RSPO4: variants seen among roughly 807,000 people sequenced by gnomAD.
The protein encoded by RSPO4 is R-spondin 4, also known as R-spondin-4.
Under a neutral mutation model 24.8 loss-of-function variants are expected in RSPO4, and 23 were observed. That is an observed-to-expected ratio of 0.93 (90% CI 0.67 to 1.31). RSPO4 has a LOEUF of 1.31. Among genes scored for constraint, RSPO4 ranks in the 40% most tolerant of loss-of-function variants. The probability of loss-of-function intolerance (pLI) is 0.00; values close to 1 mark genes in which losing one functional copy is unlikely to be tolerated. For synonymous variants in RSPO4, 141 were observed against 127.4 expected (o/e 1.11, Z -0.72); for missense variants, 333 against 316.5 (o/e 1.05, Z -0.39).
chr20:980,394 C>G (rs1984698852), intron 1 of RSPO4, among the ~76,000 whole-genome samples: 1 of 152,100 alleles, frequency 6.6e-6, no homozygotes, highest in South Asian at 2.1e-4. Context: ...GGAAATTGGC[C>G]AAATGGTGGC....
intron 4 of RSPO4, among the ~76,000 whole-genome samples, chr20:963,569 T>A (rs888094725): frequency 1.3e-4 from 20 of 151,912 alleles, no homozygotes; most frequent in African/African-American, 4.8e-4. Flanking sequence ...TATATTACAG[T>A]TAGGACACTA....
chr20:979,781 T>C (rs1284627742), intron 1 of RSPO4, among the ~76,000 whole-genome samples: 2 of 152,200 alleles, frequency 1.3e-5, no homozygotes, highest in South Asian at 2.1e-4. Flanking sequence ...GGTCGCTTTA[T>C]GTATACGGCC....
chr20:1,001,900 G>C (rs1043174684), intron 1 of RSPO4, among the ~76,000 whole-genome samples, 186 bp downstream of exon 1: 1 of 152,062 alleles, frequency 6.6e-6, no homozygotes, highest in Non-Finnish European at 1.5e-5. Context: ...TCAATGGCTC[G>C]CTCACTGGGT....
At chr20:960,498 G>A (rs1242056609) in intron 4 of RSPO4, 32 bp from the exon 5 acceptor site, 3 of 1,484,888 alleles carry the variant, frequency 2.0e-6, no homozygotes, top group Non-Finnish European at 2.7e-6. Flanking sequence ...CGGTGACCAA[G>A]GCTGCAGGGC....
chr20:994,735 T>C (rs1985219917), intron 1 of RSPO4, among the ~76,000 whole-genome samples: 1 of 152,186 alleles, frequency 6.6e-6, no homozygotes, highest in Non-Finnish European at 1.5e-5. Flanking sequence ...AGCTAATTTT[T>C]GTATTTTTAG....
At position 981,511 on chromosome 20, in the gene RSPO4, G is replaced by T. The variant is rs537453007; in HGVS notation, c.80-13373C>A. ...TGCACTCCAGCCTGGGCGACAGAGTGAGACGCTGTCTCAAAAAAGATAAGA... is the reference window on the plus strand; with the variant it reads ...TGCACTCCAGCCTGGGCGACAGAGTTAGACGCTGTCTCAAAAAAGATAAGA... On this transcript the variant is annotated intron_variant, in intron 1 of 4. Coordinates refer to ENST00000217260, the MANE Select transcript of RSPO4 (RefSeq NM_001029871.4). The surrounding 1 kb of genome is among the most constrained non-coding windows in gnomAD (Gnocchi z 4.6). Among the ~76,000 whole-genome samples the T allele has an allele frequency of 1.8e-4, 27 of 152,232 alleles. No individual in the cohort carries two copies. The highest frequency in any genetic ancestry group is 4.3e-4 in the African/African-American group (18 of 41,534).
intron 4 of RSPO4, among the ~76,000 whole-genome samples, chr20:963,254 G>A (rs1348330136): frequency 1.3e-5 from 2 of 152,146 alleles, no homozygotes; most frequent in East Asian, 1.9e-4. Flanking sequence ...CCACCCTCAC[G>A]TAGCTGAAAA....
intron 1 of RSPO4, among the ~76,000 whole-genome samples, chr20:982,762 C>A (rs1984779867): frequency 1.3e-5 from 2 of 152,208 alleles, no homozygotes; most frequent in South Asian, 4.1e-4. Flanking sequence ...ATGACGTGCC[C>A]AGCAATACTG....
At chr20:974,367 C>G (rs1568915662) in intron 1 of RSPO4, among the ~76,000 whole-genome samples, 1 of 152,216 alleles carries the variant, frequency 6.6e-6, no homozygotes, top group Non-Finnish European at 1.5e-5. Flanking sequence ...TCTCTCTGGG[C>G]TGATGGACAA....
intron 1 of RSPO4, among the ~76,000 whole-genome samples, chr20:977,646 GT>G (rs1984606033): frequency 6.6e-6 from 1 of 152,188 alleles, no homozygotes; most frequent in Non-Finnish European, 1.5e-5. Flanking sequence ...CATAATTGGG[GT>G]GTGCCCTGGG....
At chr20:999,025 G>A (rs573807415) in intron 1 of RSPO4, among the ~76,000 whole-genome samples, 10 of 139,188 alleles carry the variant, frequency 7.2e-5, no homozygotes, top group Non-Finnish European at 1.2e-4. Context: ...CTGCTCTGTC[G>A]CCCAGGCTGG....
At chr20:972,793 C>A (rs1055096136) in intron 1 of RSPO4, among the ~76,000 whole-genome samples, 1 of 152,230 alleles carries the variant, frequency 6.6e-6, no homozygotes, top group South Asian at 2.1e-4. Context: ...AGTTGCCCTG[C>A]GCTGTGCCTT....
At chr20:1,001,994 C>T (rs1027909369) in intron 1 of RSPO4, 92 bp downstream of exon 1, 7 of 1,073,624 alleles carry the variant, frequency 6.5e-6, no homozygotes, top group African/African-American at 6.4e-5. Context: ...AGGCACCAGG[C>T]AGATGCCCCC....
intron 1 of RSPO4, among the ~76,000 whole-genome samples, chr20:992,549 T>C (rs1245588649): frequency 6.6e-6 from 1 of 152,158 alleles, no homozygotes; most frequent in Non-Finnish European, 1.5e-5. Flanking sequence ...CCATGACGCA[T>C]GACAGTTATC....
intron 1 of RSPO4, among the ~76,000 whole-genome samples, chr20:992,546 G>T (rs1023624582): frequency 3.3e-5 from 5 of 152,086 alleles, no homozygotes; most frequent in African/African-American, 1.2e-4. Context: ...CCCCCATGAC[G>T]CATGACAGTT....
intron 1 of RSPO4, among the ~76,000 whole-genome samples, chr20:995,737 C>T (rs1174379461): frequency 1.3e-5 from 2 of 152,220 alleles, no homozygotes; most frequent in Non-Finnish European, 1.5e-5. Flanking sequence ...AAAGATCCTC[C>T]TGGAATCTGC....
intron 1 of RSPO4, among the ~76,000 whole-genome samples, chr20:987,017 G>C (rs17703183): frequency 6.6e-6 from 1 of 152,202 alleles, no homozygotes; most frequent in Non-Finnish European, 1.5e-5. Context: ...ATTAGGCAGA[G>C]TCTATTATCT....
intron 1 of RSPO4, among the ~76,000 whole-genome samples, chr20:996,214 T>C (rs538563353): frequency 3.4e-5 from 5 of 145,498 alleles, no homozygotes; most frequent in Non-Finnish European, 1.5e-5. Flanking sequence ...GCTATTCCAT[T>C]CCGTTCTGTT....
chr20:997,855 C>T (rs540165425), intron 1 of RSPO4, among the ~76,000 whole-genome samples: 1 of 152,332 alleles, frequency 6.6e-6, no homozygotes, highest in East Asian at 1.9e-4. Context: ...TCCGGATGCA[C>T]CACAAGCAAG....
Sources: allele counts gnomAD v4.1 joint callset (sites outside exome capture counted in the v4.1 genomes callset), GRCh38; gene constraint gnomAD v4.1.1; non-coding constraint Gnocchi (gnomAD v3.1); transcripts MANE v1.5; gene names NCBI Gene and HGNC (gene_info 2026-07-23, HGNC 2026-07-21).